The following THSD7B variants were observed in gnomAD, a reference collection of about 807,000 sequenced individuals.
THSD7B encodes thrombospondin type 1 domain containing 7B, also known as thrombospondin type-1 domain-containing protein 7B.
Under a neutral mutation model 213.6 loss-of-function variants are expected in THSD7B, and 138 were observed. That is an observed-to-expected ratio of 0.65 (90% confidence interval 0.56 to 0.74). The LOEUF (loss-of-function observed/expected upper bound fraction) is 0.74. Ranked by LOEUF, THSD7B falls within the 30% of genes least tolerant of loss-of-function variation. The pLI is 0.00. For synonymous variants in THSD7B, 742 were observed against 687.0 expected (o/e 1.08, Z -1.25); for missense variants, 1,931 against 1,991.5 (o/e 0.97, Z 0.58).
chr2:137,134,613 A>G (rs1479954622), intron 5 of THSD7B, among the ~76,000 whole-genome samples: 1 of 152,116 alleles, frequency 6.6e-6, no homozygotes, highest in Non-Finnish European at 1.5e-5. Flanking sequence ...AAGGGCTTAC[A>G]TGATTTTGTT....
At chr2:136,926,188 A>G (rs1202680338) in intron 2 of THSD7B, among the ~76,000 whole-genome samples, 1 of 152,060 alleles carries the variant, frequency 6.6e-6, no homozygotes, top group Admixed American at 6.6e-5. Context: ...TCTGGGGCAG[A>G]TGGATTCCTC....
intron 2 of THSD7B, among the ~76,000 whole-genome samples, chr2:136,991,512 G>A (rs370877941): frequency 6.6e-6 from 1 of 152,020 alleles, no homozygotes. Context: ...CAGTGGAGAG[G>A]GGGACATCTT....
chr2:137,458,482 A>T (rs978305579), intron 15 of THSD7B, among the ~76,000 whole-genome samples: 1 of 152,138 alleles, frequency 6.6e-6, no homozygotes, highest in Non-Finnish European at 1.5e-5. Flanking sequence ...ATGCATCAGG[A>T]TCTGGATCCC....
intron 25 of THSD7B, among the ~76,000 whole-genome samples, chr2:137,662,479 C>T (rs542695875): frequency 7.5e-4 from 114 of 152,076 alleles, no homozygotes; most frequent in African/African-American, 2.7e-3. Flanking sequence ...CTAACCATCA[C>T]CTGATGGTTG....
At chr2:137,110,129 C>T (rs1009953866) in intron 4 of THSD7B, among the ~76,000 whole-genome samples, 4 of 152,182 alleles carry the variant, frequency 2.6e-5, no homozygotes, top group African/African-American at 9.7e-5. Context: ...GTCCATCTCT[C>T]TCTCCCCACC....
chr2:136,803,148 TACACCC>T (rs1471757673), intron 1 of THSD7B, among the ~76,000 whole-genome samples: 11 of 151,978 alleles, frequency 7.2e-5, no homozygotes, highest in Non-Finnish European at 1.6e-4. Context: ...GGAATATAAA[TACACCC>T]ACACACACAC....
intron 20 of THSD7B, 172 bp from the exon 21 acceptor site, chr2:137,642,316 G>C: frequency 1.4e-6 from 1 of 701,682 alleles, no homozygotes. Flanking sequence ...AACCTAGATA[G>C]CCTGTGTCTC....
chr2:137,201,768 C>T (rs1680879818), intron 7 of THSD7B, among the ~76,000 whole-genome samples: 1 of 152,108 alleles, frequency 6.6e-6, no homozygotes, highest in Non-Finnish European at 1.5e-5. Flanking sequence ...TGCCACATCC[C>T]CTCATTGGAC....
chr2:137,446,236 A>C (rs1301302975), intron 14 of THSD7B, among the ~76,000 whole-genome samples: 1 of 151,990 alleles, frequency 6.6e-6, no homozygotes, highest in African/African-American at 2.4e-5. Flanking sequence ...CAGGAGAAAA[A>C]CGTGTTTGTA....
intron 20 of THSD7B, among the ~76,000 whole-genome samples, chr2:137,629,894 A>AT (rs1177398969): frequency 1.3e-5 from 2 of 152,140 alleles, no homozygotes; most frequent in Non-Finnish European, 2.9e-5. Flanking sequence ...TCTCACAAGC[A>AT]TTTTTTGACT....
chr2:137,675,442 A>ATATATG (rs1683678383), intron 27 of THSD7B, among the ~76,000 whole-genome samples: 5 of 105,122 alleles, frequency 4.8e-5, no homozygotes, highest in African/African-American at 1.7e-4. Context: ...ATATATATAT[A>ATATATG]TATATGCGGA....
chr2:136,795,201 C>T (rs1004793206), intron 1 of THSD7B, among the ~76,000 whole-genome samples: 29 of 151,890 alleles, frequency 1.9e-4, no homozygotes, highest in African/African-American at 6.8e-4. Flanking sequence ...GTGCTAAAAC[C>T]GAGGTGTCAG....
chr2:137,608,648 T>C (rs1682232469), intron 17 of THSD7B, among the ~76,000 whole-genome samples: 1 of 152,242 alleles, frequency 6.6e-6, no homozygotes, highest in Admixed American at 6.5e-5. Flanking sequence ...TTTTAAATGT[T>C]TCCTGTTGCT....
rs545697103 is a variant in THSD7B at position 137,132,745 on chromosome 2, G to C, written c.1369+17452G>C. ...TTCCTCTTGAAGAGTTCTAGAGTGC[G>C]GTTTCAGGTTGCATGCTAGTGATAA... On this transcript the variant is annotated intron_variant, in intron 5 of 27. Transcript: ENST00000409968. Among the ~76,000 whole-genome samples the C allele has an allele frequency of 2.3e-4, 35 of 152,236 alleles. 1 individual carries two copies. The highest frequency in any genetic ancestry group is 1.9e-3 in the Admixed American group (29 of 15,286).
At chr2:137,324,963 A>T (rs534524985) in intron 12 of THSD7B, among the ~76,000 whole-genome samples, 1 of 152,296 alleles carries the variant, frequency 6.6e-6, no homozygotes, top group African/African-American at 2.4e-5. Context: ...TCCATTTCAT[A>T]CTTAACTGCA....
At chr2:137,615,936 A>G (rs570690249) in intron 17 of THSD7B, among the ~76,000 whole-genome samples, 1 of 152,272 alleles carries the variant, frequency 6.6e-6, no homozygotes, top group African/African-American at 2.4e-5. Flanking sequence ...GCTTAATTAT[A>G]TACGGGAGAT....
At chr2:136,874,768 C>A (rs1478080888) in intron 1 of THSD7B, among the ~76,000 whole-genome samples, 2 of 151,978 alleles carry the variant, frequency 1.3e-5, no homozygotes, top group African/African-American at 2.4e-5. Flanking sequence ...TTAGAGCTAA[C>A]CTTGCAAATA....
At chr2:137,354,699 T>C (rs928750814) in intron 12 of THSD7B, among the ~76,000 whole-genome samples, 1 of 152,154 alleles carries the variant, frequency 6.6e-6, no homozygotes, top group Non-Finnish European at 1.5e-5. Flanking sequence ...ATGAAATCTA[T>C]AGTAATCTTG....
At chr2:137,279,236 T>A (rs948723192) in intron 12 of THSD7B, among the ~76,000 whole-genome samples, 1 of 152,076 alleles carries the variant, frequency 6.6e-6, no homozygotes, top group African/African-American at 2.4e-5. Flanking sequence ...GGTAAAAATA[T>A]ATTTTTTAAC....
Sources: allele counts gnomAD v4.1 joint callset (sites outside exome capture counted in the v4.1 genomes callset), GRCh38; gene constraint gnomAD v4.1.1; transcripts MANE v1.5; gene names NCBI Gene and HGNC (gene_info 2026-07-23, HGNC 2026-07-21).